The following CCNT2 variants were observed in gnomAD, a reference collection of about 807,000 sequenced individuals.
CCNT2 encodes the protein cyclin-T2.
Under a neutral mutation model 70.0 loss-of-function variants are expected in CCNT2, and 18 were observed. The observed-to-expected ratio is 0.26, with a 90% CI of 0.18 to 0.38. The LOEUF (loss-of-function observed/expected upper bound fraction) is 0.38. Ranked by LOEUF, CCNT2 falls within the 10% of genes least tolerant of loss-of-function variation. The pLI, the probability that CCNT2 is intolerant of heterozygous loss-of-function variation, is 1.00. For synonymous variants in CCNT2, 334 were observed against 313.3 expected, an observed-to-expected ratio of 1.07 and a Z score of -0.70; for missense variants, 734 against 890.2, an observed-to-expected ratio of 0.82 and a Z score of 2.23.
In CCNT2 at chr2:134,956,723, T is replaced by A. The variant is rs1432821510; in HGVS notation, c.*2075T>A. Reference sequence around the variant, plus strand: ...AGAATATCCAGAAAAGTAGTGAACTTATTTTCAGTAGACATAGAAAACAAT... The same window carrying A: ...AGAATATCCAGAAAAGTAGTGAACTAATTTTCAGTAGACATAGAAAACAAT... On this transcript the variant is annotated 3_prime_UTR_variant, in exon 9 of 9. Transcript: ENST00000264157. The A allele has an allele frequency of 6.6e-6, 1 of 152,512 alleles. No homozygotes were observed. Among genetic ancestry groups the A allele is most frequent in the Non-Finnish European group, 1.5e-5 (1 of 67,996 alleles). 9.4% of individuals were successfully genotyped at this position (152,512 alleles called of 1,614,324 possible). A position where few individuals can be genotyped will look rare whatever the true frequency, so the allele number is the denominator to read the frequency against.
Position 134,953,687 on chromosome 2 carries a change from C to T in CCNT2, c.1232C>T (p.Thr411Ile), listed in dbSNP as rs1259424424. 2 of 1,613,764 alleles carry T rather than the reference C, an allele frequency of 1.2e-6. No individual in the cohort carries two copies. The highest frequency in any genetic ancestry group is 1.7e-6 in the Non-Finnish European group (2 of 1,179,674). ...SDHSSVKQEY[T>I]HKAGSSKHHG... ...CATTCTTCTGTTAAGCAAGAATATA[C>T]TCATAAAGCAGGGAGCAGTAAACAC... The change falls in exon 9 of 9, where the codon ACT becomes ATT. Residue 411 changes from threonine to isoleucine, a missense_variant. Physicochemically the swap from Thr to Ile is moderately conservative, Grantham distance 89 (BLOSUM62 -1). Transcript: ENST00000264157.
chr2:134,932,481 A>AT (rs1680852127), intron 2 of CCNT2, among the ~76,000 whole-genome samples: 1 of 152,176 alleles, frequency 6.6e-6, no homozygotes, highest in Non-Finnish European at 1.5e-5. Context: ...GAATACTGAT[A>AT]TTTTGGGGCC....
intron 5 of CCNT2, 86 bp downstream of exon 5, chr2:134,942,760 C>A: frequency 7.0e-7 from 1 of 1,422,720 alleles, no homozygotes. Flanking sequence ...TTTTTCTAGC[C>A]TTTTGTTAGG....
chr2:134,952,560 T>C, intron 7 of CCNT2, 81 bp from the exon 8 acceptor site: 1 of 752,288 alleles, frequency 1.3e-6, no homozygotes, highest in Non-Finnish European at 2.2e-6. Flanking sequence ...CTCCTAGCAT[T>C]CCTTTTTAAT....
rs1050272307 is a variant in CCNT2, at chr2:134,956,324, T to A, written c.*1676T>A. 6.6e-6 allele frequency: 1 copy of A among 152,654 alleles called. No homozygotes were observed. The highest frequency in any genetic ancestry group is 1.5e-5 in the Non-Finnish European group (1 of 68,030). The allele number at this position is 152,654 out of a possible 1,614,324, so 9.5% of individuals were successfully genotyped here. On this transcript the variant is annotated 3_prime_UTR_variant, in exon 9 of 9. Transcript: ENST00000264157. ...TTTTAAAGATAATTGTTCATTATTT[T>A]GTCAATGTTATTTGAACTTGGGGTA...
At chr2:134,920,127 A>G (rs1193476519) in intron 2 of CCNT2, 2 of 385,742 alleles carry the variant, frequency 5.2e-6, no homozygotes, top group Admixed American at 4.5e-5. Context: ...AAAGAAAAAC[A>G]TTTATTTCTT....
intron 7 of CCNT2, among the ~76,000 whole-genome samples, chr2:134,948,666 G>T (rs1682184975): frequency 6.6e-6 from 1 of 152,012 alleles, no homozygotes; most frequent in African/African-American, 2.4e-5. Flanking sequence ...GAGATTCTTG[G>T]GATTAGGGCA....
chr2:134,919,600 A>G (rs911532341), intron 1 of CCNT2, among the ~76,000 whole-genome samples: 10 of 152,076 alleles, frequency 6.6e-5, no homozygotes, highest in African/African-American at 2.2e-4. Context: ...TAGAGTGAAA[A>G]GATCAGCAGT....
At chr2:134,942,563 A>T (rs1681654068) in intron 4 of CCNT2, 49 bp from the exon 5 acceptor site, 1 of 1,331,822 alleles carries the variant, frequency 7.5e-7, no homozygotes, top group Admixed American at 1.9e-5. Context: ...TTTCTCAGGC[A>T]AGTACTGTAG....
chr2:134,953,160 T>C (rs145398488), intron 8 of CCNT2, 70 bp from the exon 9 acceptor site: 4 of 1,108,742 alleles, frequency 3.6e-6, no homozygotes, highest in South Asian at 1.6e-5. Flanking sequence ...TATATAACTT[T>C]TATAAGACAA....
intron 2 of CCNT2, among the ~76,000 whole-genome samples, chr2:134,925,493 A>C (rs1680225739): frequency 6.6e-6 from 1 of 152,164 alleles, no homozygotes; most frequent in Admixed American, 6.5e-5. Context: ...GCCTATTAAT[A>C]GACATTTCAT....
intron 6 of CCNT2, chr2:134,946,440 C>T: frequency 1.7e-6 from 2 of 1,150,628 alleles, no homozygotes; most frequent in Non-Finnish European, 1.1e-6. Context: ...AAGAGCTAAA[C>T]TTAACGTAGA....
intron 5 of CCNT2, chr2:134,944,397 A>G: frequency 3.1e-6 from 3 of 965,718 alleles, no homozygotes; most frequent in Non-Finnish European, 3.7e-6. Context: ...ATATTAACTT[A>G]GGAAATTGGA....
At chr2:134,951,726 C>T (rs574716380) in intron 7 of CCNT2, among the ~76,000 whole-genome samples, 18 of 152,184 alleles carry the variant, frequency 1.2e-4, no homozygotes, top group East Asian at 7.7e-4. Context: ...TGCATAGTTC[C>T]CTGTATACCC....
chr2:134,931,505 C>G (rs1313809710), intron 2 of CCNT2, among the ~76,000 whole-genome samples: 5 of 151,818 alleles, frequency 3.3e-5, no homozygotes, highest in African/African-American at 1.2e-4. Flanking sequence ...AGTCTTCCAA[C>G]TTTGTGCTTT....
At chr2:134,938,978 T>A in intron 3 of CCNT2, 24 bp from the exon 4 acceptor site, 1 of 1,497,384 alleles carries the variant, frequency 6.7e-7, no homozygotes, top group Non-Finnish European at 9.3e-7. Flanking sequence ...TTTTAATCAA[T>A]TTGATAATAT....
chr2:134,945,163 T>G, intron 5 of CCNT2: 7 of 985,404 alleles, frequency 7.1e-6, no homozygotes, highest in Non-Finnish European at 7.2e-6. Flanking sequence ...TGTAAAACCT[T>G]TATGTTGATG....
chr2:134,953,390 C>A lies in CCNT2; in HGVS notation c.935C>A (p.Pro312Gln). 8 of 1,602,292 alleles carry A rather than the reference C, an allele frequency of 5.0e-6. No homozygotes were observed. Among genetic ancestry groups the A allele is most frequent in the Non-Finnish European group, 6.8e-6 (8 of 1,173,804 alleles). The change falls in exon 9 of 9, where the codon CCA becomes CAA. Residue 312 changes from proline (P) to glutamine (Q), a missense_variant. Pro to Gln is a moderately conservative substitution (Grantham distance 76, BLOSUM62 -1). Transcript: ENST00000264157. Reference protein sequence around the residue: ...QKPSTSAFPAPVPLNSGNISV... With the variant: ...QKPSTSAFPAQVPLNSGNISV... ...CCATCTACATCAGCATTCCCTGCGC[C>A]AGTACCTCTAAATTCAGGAAATATT...
chr2:134,952,902 A>G, intron 8 of CCNT2, 191 bp downstream of exon 8: 2 of 501,684 alleles, frequency 4.0e-6, no homozygotes, highest in Non-Finnish European at 7.0e-6. Context: ...TTATACTTTT[A>G]AAAAATTTTT....
Sources: allele counts gnomAD v4.1 joint callset (sites outside exome capture counted in the v4.1 genomes callset), GRCh38; gene constraint gnomAD v4.1.1; transcripts MANE v1.5; gene names NCBI Gene and HGNC (gene_info 2026-07-23, HGNC 2026-07-21).